Variants in BRINP1 observed in about 807,000 individuals in gnomAD.
BRINP1 encodes BMP/retinoic acid inducible neural specific 1, also known as BMP/retinoic acid-inducible neural-specific protein 1.
In BRINP1, 17 loss-of-function variants were observed where a neutral mutation model predicts 72.9. The observed-to-expected ratio is 0.23, with a 90% CI of 0.16 to 0.35. BRINP1 has a LOEUF of 0.35. Among genes scored for constraint, BRINP1 ranks in the 10% least tolerant of loss-of-function variants. BRINP1 has a pLI of 1.00. For missense variants in BRINP1, 850 were observed against 1,001.6 expected (o/e 0.85, Z 2.04); for synonymous variants, 418 against 378.5 (o/e 1.10, Z -1.21).
chr9:119,359,568 G>A (rs1831608185), intron 1 of BRINP1, among the ~76,000 whole-genome samples: 1 of 152,166 alleles, frequency 6.6e-6, no homozygotes, highest in Non-Finnish European at 1.5e-5. Context: ...ATCAGGTAAT[G>A]TGTTCCACAT....
intron 5 of BRINP1, among the ~76,000 whole-genome samples, chr9:119,227,075 A>G (rs1022255027): frequency 1.1e-4 from 16 of 151,986 alleles, no homozygotes; most frequent in African/African-American, 3.9e-4. Context: ...GCACATGATA[A>G]TTATTCACAA....
At chr9:119,315,125 C>G (rs1408489656) in intron 1 of BRINP1, among the ~76,000 whole-genome samples, 3 of 152,092 alleles carry the variant, frequency 2.0e-5, no homozygotes, top group Non-Finnish European at 4.4e-5. Flanking sequence ...TGCATTTTAG[C>G]CCTTATCACC....
intron 2 of BRINP1, among the ~76,000 whole-genome samples, chr9:119,311,265 G>A (rs972296369): frequency 2.0e-5 from 3 of 152,088 alleles, no homozygotes. Flanking sequence ...GATGACCAGG[G>A]GCCTAACTTC....
At chr9:119,250,419 G>A (rs181519512) in intron 2 of BRINP1, among the ~76,000 whole-genome samples, 12 of 152,216 alleles carry the variant, frequency 7.9e-5, no homozygotes, top group Admixed American at 7.8e-4. Flanking sequence ...TCCAAGTCTC[G>A]CTCTCCCTCT....
intron 1 of BRINP1, among the ~76,000 whole-genome samples, chr9:119,365,469 G>T (rs1210326955): frequency 6.6e-6 from 1 of 152,112 alleles, no homozygotes; most frequent in Admixed American, 6.5e-5. Context: ...GGAAAAGACG[G>T]GTAGGGTATG....
intron 1 of BRINP1, among the ~76,000 whole-genome samples, chr9:119,350,754 T>C (rs1587969742): frequency 6.6e-6 from 1 of 152,132 alleles, no homozygotes; most frequent in African/African-American, 2.4e-5. Flanking sequence ...ATTCTAACAG[T>C]GTTAGTTGAC....
In BRINP1 at chr9:119,167,768, G is replaced by A. The variant is rs1829336940; in HGVS notation, c.1602C>T (p.Arg534=). ...CGATCACCATGTGGATGAAGTCCAT[G>A]CGGTTCTTGTTGCTCTTGAGAGTGA... ...MSLTLKSNKN[R]MDFIHMVIGM... The change falls in exon 8 of 8, where the codon CGC becomes CGT. Residue 534 remains arginine (R), a synonymous_variant. Coordinates refer to ENST00000265922, the MANE Select transcript of BRINP1 (RefSeq NM_014618.3). The surrounding 1 kb of genome is among the most constrained non-coding windows in gnomAD (Gnocchi z 4.3). 6.2e-7 allele frequency: 1 copy of A among 1,614,136 alleles called. No homozygotes were observed. The highest frequency in any genetic ancestry group is 8.5e-7 in the Non-Finnish European group (1 of 1,180,034).
chr9:119,294,560 A>C (rs1039248251), intron 2 of BRINP1, among the ~76,000 whole-genome samples: 4 of 151,570 alleles, frequency 2.6e-5, no homozygotes, highest in Non-Finnish European at 5.9e-5. Flanking sequence ...ACATTGATGA[A>C]GGAAATTTAA....
intron 5 of BRINP1, among the ~76,000 whole-genome samples, chr9:119,233,259 C>A (rs932347221): frequency 4.6e-5 from 7 of 152,000 alleles, no homozygotes; most frequent in Admixed American, 6.6e-5. Context: ...GCAGTTCAGC[C>A]ACTTATTAAA....
intron 1 of BRINP1, among the ~76,000 whole-genome samples, chr9:119,330,976 G>C (rs1321067732): frequency 1.3e-5 from 2 of 152,106 alleles, no homozygotes; most frequent in African/African-American, 4.8e-5. Flanking sequence ...GCAGCGAGCC[G>C]AGATTGTGCC....
In BRINP1 at chr9:119,166,667, C is replaced by T. The variant is rs1829315941; in HGVS notation, c.*417G>A. 6.4e-6 allele frequency: 1 copy of T among 156,912 alleles called. No individual in the cohort carries two copies. Among genetic ancestry groups the T allele is most frequent in the Non-Finnish European group, 1.4e-5 (1 of 71,098 alleles). 9.7% of individuals were successfully genotyped at this position (156,912 alleles called of 1,614,324 possible). On this transcript the variant is annotated 3_prime_UTR_variant, in exon 8 of 8. Transcript: ENST00000265922. ...AAGAAATATCTTCTTTATCTATGTCCATTTCCTCCAAAAAGGAAAAATGGC... is the reference window on the plus strand; with the variant it reads ...AAGAAATATCTTCTTTATCTATGTCTATTTCCTCCAAAAAGGAAAAATGGC...
At chr9:119,296,521 T>A in intron 2 of BRINP1, among the ~76,000 whole-genome samples, 1 of 152,206 alleles carries the variant, frequency 6.6e-6, no homozygotes, top group East Asian at 1.9e-4. Flanking sequence ...TAGGTATTTA[T>A]CCAAAGGAAA....
intron 7 of BRINP1, among the ~76,000 whole-genome samples, chr9:119,202,704 C>T (rs777487417): frequency 1.3e-5 from 2 of 152,120 alleles, no homozygotes; most frequent in Non-Finnish European, 2.9e-5. Context: ...AGAAATCCAT[C>T]ACAGTATCCC....
Position 119,356,676 on chromosome 9 carries a change from G to A in BRINP1, c.-51+12380C>T, listed in dbSNP as rs139617769. 3.2e-3 allele frequency among the ~76,000 whole-genome samples: 482 copies of A among 151,890 alleles called. 4 individuals are homozygous for A. The highest frequency in any genetic ancestry group is 0.011 in the African/African-American group (442 of 41,398). ...AAAAATTGGCTGGGCATGGTGGTGC[G>A]TGCCTGTAATCCCAGCTACTCAGGA... On this transcript the variant is annotated intron_variant, in intron 1 of 7. Coordinates refer to ENST00000265922, the MANE Select transcript of BRINP1 (RefSeq NM_014618.3).
intron 2 of BRINP1, among the ~76,000 whole-genome samples, chr9:119,251,343 G>A (rs1225562468): frequency 6.6e-6 from 1 of 152,184 alleles, no homozygotes; most frequent in Non-Finnish European, 1.5e-5. Flanking sequence ...GGACACAGGA[G>A]GAGGAACCTG....
intron 7 of BRINP1, among the ~76,000 whole-genome samples, chr9:119,206,313 G>C (rs1049688155): frequency 1.1e-4 from 16 of 151,566 alleles, no homozygotes; most frequent in African/African-American, 3.6e-4. Flanking sequence ...CTACTCGCAA[G>C]GGGAGGCTGA....
chr9:119,279,543 C>T (rs1446226832), intron 2 of BRINP1, among the ~76,000 whole-genome samples: 1 of 152,208 alleles, frequency 6.6e-6, no homozygotes. Flanking sequence ...ATAATAGGTG[C>T]TTCAAACACA....
intron 1 of BRINP1, among the ~76,000 whole-genome samples, chr9:119,317,559 C>T (rs1489859983): frequency 3.3e-5 from 5 of 152,158 alleles, no homozygotes; most frequent in Non-Finnish European, 7.3e-5. Context: ...TAGAATACTA[C>T]GTAAACTTAG....
chr9:119,169,937 AAACT>A (rs200780754), intron 7 of BRINP1, among the ~76,000 whole-genome samples: 2,505 of 152,280 alleles, frequency 0.016, 53 homozygotes, highest in African/African-American at 0.058. Context: ...GTTAGAAGGA[AAACT>A]AACAAACAGA....
Sources: gnomAD v4.1 joint callset for allele counts (sites outside exome capture counted in the v4.1 genomes callset) on GRCh38, gnomAD v4.1.1 for gene constraint, Gnocchi (gnomAD v3.1) non-coding constraint, MANE v1.5 for transcripts, NCBI Gene and HGNC (gene_info 2026-07-23, HGNC 2026-07-21) for gene names.